Variants in SMARCC1 observed in about 807,000 individuals in gnomAD.
SMARCC1 encodes SWI/SNF complex subunit SMARCC1.
SMARCC1 carries 43 observed loss-of-function variants against 147.4 expected under a neutral mutation model. The observed-to-expected ratio is 0.29, with a 90% CI of 0.23 to 0.38. The LOEUF (loss-of-function observed/expected upper bound fraction) is 0.38, where lower values mean the gene tolerates loss of function less well. SMARCC1 is among the 10% of genes least tolerant of loss of function. The pLI, the probability that SMARCC1 is intolerant of heterozygous loss-of-function variation, is 1.00. For missense variants in SMARCC1, 1,119 were observed against 1,381.1 expected, an observed-to-expected ratio of 0.81 and a Z score of 3.01; for synonymous variants, 495 against 484.4, an observed-to-expected ratio of 1.02 and a Z score of -0.29.
intron 24 of SMARCC1, among the ~76,000 whole-genome samples, chr3:47,631,834 G>C (rs2032895460): frequency 6.6e-6 from 1 of 152,168 alleles, no homozygotes; most frequent in South Asian, 2.1e-4. Flanking sequence ...ATTAATTATA[G>C]TAATTTAAGT....
intron 7 of SMARCC1, among the ~76,000 whole-genome samples, chr3:47,720,178 A>C (rs1011817729): frequency 1.3e-5 from 2 of 151,240 alleles, no homozygotes; most frequent in Non-Finnish European, 3.0e-5. Context: ...GGCTGGAGGG[A>C]AACGGCGCAA....
rs148103392 is a variant in SMARCC1, at chr3:47,647,194, T to C, written c.2321-8414A>G. On this transcript the variant is annotated intron_variant, in intron 21 of 27. Transcript: ENST00000254480. Reference sequence around the variant, plus strand: ...CAGTCTTGATTTATATTACAGATGGTACCTGACTTACAGTGATTTGACTCA... The same window carrying C: ...CAGTCTTGATTTATATTACAGATGGCACCTGACTTACAGTGATTTGACTCA... Among the ~76,000 whole-genome samples the C allele has an allele frequency of 1.8e-4, 27 of 152,348 alleles. No homozygotes were observed. The East Asian group carries it at 5.0e-3, about 28-fold the overall frequency.
At position 47,725,448 on chromosome 3, in the gene SMARCC1, T is replaced by TTA. The variant is rs578107263; in HGVS notation, c.646+3575_646+3576dup. 1.4e-3 allele frequency among the ~76,000 whole-genome samples: 206 copies of TTA among 151,588 alleles called. 4 individuals carry two copies. The South Asian group carries it at 0.039, about 29-fold the overall frequency. On this transcript the variant is annotated intron_variant, in intron 6 of 27. Transcript: ENST00000254480. ...TTTTCAATTGTGCACTTTATTATTA[T>TTA]TATATATATATATTTTTTTGGAGAT...
chr3:47,649,927 A>G (rs1043606152), intron 21 of SMARCC1, among the ~76,000 whole-genome samples: 1 of 152,188 alleles, frequency 6.6e-6, no homozygotes, highest in African/African-American at 2.4e-5. Context: ...ATCCTTAGGA[A>G]ATACATGGTG....
At chr3:47,641,674 T>A (rs1205122986) in intron 21 of SMARCC1, among the ~76,000 whole-genome samples, 1 of 151,872 alleles carries the variant, frequency 6.6e-6, no homozygotes, top group Non-Finnish European at 1.5e-5. Context: ...ACAAAAAAAA[T>A]CTAGATAAAG....
intron 2 of SMARCC1, among the ~76,000 whole-genome samples, chr3:47,755,575 C>T (rs2034686559): frequency 6.9e-6 from 1 of 144,230 alleles, no homozygotes; most frequent in Non-Finnish European, 1.5e-5. Flanking sequence ...AAATGTAAAA[C>T]AGGCCAGGCA....
intron 18 of SMARCC1, among the ~76,000 whole-genome samples, chr3:47,671,197 A>AACAAAAAACAC (rs2033497146): frequency 1.6e-5 from 1 of 62,260 alleles, no homozygotes; most frequent in Non-Finnish European, 4.1e-5. Context: ...AAAAAAAAAA[A>AACAAAAAACAC]ACACACACAA....
chr3:47,749,729 A>ACCCTCT (rs2034606281), intron 2 of SMARCC1, among the ~76,000 whole-genome samples: 9 of 105,264 alleles, frequency 8.5e-5, no homozygotes, highest in East Asian at 6.0e-4. Flanking sequence ...ACACACAGAG[A>ACCCTCT]AAGAGACAGA....
intron 1 of SMARCC1, among the ~76,000 whole-genome samples, chr3:47,780,621 T>A (rs922333583): frequency 6.6e-6 from 1 of 152,206 alleles, no homozygotes; most frequent in Non-Finnish European, 1.5e-5. Flanking sequence ...AAGCAGCCAC[T>A]AAGGGTAAGG....
At chr3:47,640,903 A>G (rs1179573355) in intron 21 of SMARCC1, among the ~76,000 whole-genome samples, 1 of 152,202 alleles carries the variant, frequency 6.6e-6, no homozygotes, top group Non-Finnish European at 1.5e-5. Flanking sequence ...ACAGAGTAAT[A>G]TCAAGGATGA....
intron 26 of SMARCC1, among the ~76,000 whole-genome samples, chr3:47,608,214 A>T (rs947648623): frequency 6.6e-6 from 1 of 152,166 alleles, no homozygotes; most frequent in East Asian, 1.9e-4. Flanking sequence ...CAGCCTCCTG[A>T]GTAGATGGGA....
chr3:47,613,565 G>T (rs1379165783), intron 25 of SMARCC1, among the ~76,000 whole-genome samples: 1 of 151,918 alleles, frequency 6.6e-6, no homozygotes, highest in Non-Finnish European at 1.5e-5. Context: ...TCACCATGTT[G>T]GCCAGACTGG....
intron 8 of SMARCC1, among the ~76,000 whole-genome samples, chr3:47,713,980 A>G (rs1417230897): frequency 6.6e-6 from 1 of 152,234 alleles, no homozygotes; most frequent in Non-Finnish European, 1.5e-5. Flanking sequence ...GTATCTTGTA[A>G]ATGGATGACA....
chr3:47,706,675 A>G, intron 9 of SMARCC1, 145 bp from the exon 10 acceptor site: 1 of 686,332 alleles, frequency 1.5e-6, no homozygotes, highest in Non-Finnish European at 2.2e-6. Flanking sequence ...TTAATCATCC[A>G]GGAACACCAG....
chr3:47,660,065 C>T (rs1576402056), intron 21 of SMARCC1, among the ~76,000 whole-genome samples: 1 of 152,100 alleles, frequency 6.6e-6, no homozygotes, highest in African/African-American at 2.4e-5. Flanking sequence ...CCTAGGTATA[C>T]ACCCAACCAA....
At chr3:47,653,540 G>T (rs1369404941) in intron 21 of SMARCC1, among the ~76,000 whole-genome samples, 1 of 152,140 alleles carries the variant, frequency 6.6e-6, no homozygotes, top group Admixed American at 6.5e-5. Context: ...AGTGTGCTAT[G>T]CAATAAGGCA....
chr3:47,777,094 T>A (rs1030792271), intron 1 of SMARCC1, among the ~76,000 whole-genome samples: 1 of 151,170 alleles, frequency 6.6e-6, no homozygotes, highest in East Asian at 2.0e-4. Flanking sequence ...ATTTATTTTT[T>A]TTTTTTTGAG....
chr3:47,604,443 A>T (rs62262079), intron 26 of SMARCC1: 116,780 of 378,646 alleles, frequency 0.31, 19,907 homozygotes, highest in East Asian at 0.44. Flanking sequence ...CTCCCAATGT[A>T]AGCTGTGGCC....
intron 6 of SMARCC1, among the ~76,000 whole-genome samples, chr3:47,722,619 A>T (rs1261689074): frequency 6.6e-6 from 1 of 152,156 alleles, no homozygotes; most frequent in Non-Finnish European, 1.5e-5. Flanking sequence ...ATTTTTATCA[A>T]GACAATTTTT....
Sources: allele counts gnomAD v4.1 joint callset (sites outside exome capture counted in the v4.1 genomes callset), GRCh38; gene constraint gnomAD v4.1.1; transcripts MANE v1.5; gene names NCBI Gene and HGNC (gene_info 2026-07-23, HGNC 2026-07-21).